The following LRMDA variants were observed in gnomAD, a reference collection of about 807,000 sequenced individuals.
The protein encoded by LRMDA is leucine rich melanocyte differentiation associated.
In LRMDA, 18 loss-of-function variants were observed where a neutral mutation model predicts 29.8. That is an observed-to-expected ratio of 0.60 (90% confidence interval 0.42 to 0.90). The LOEUF is 0.90. Ranked by LOEUF, LRMDA falls within the 40% of genes least tolerant of loss-of-function variation. The probability of loss-of-function intolerance (pLI) is 0.00; values close to 1 mark genes in which losing one functional copy is unlikely to be tolerated. For synonymous variants in LRMDA, 125 were observed against 109.4 expected, an observed-to-expected ratio of 1.14 and a Z score of -0.89; for missense variants, 273 against 273.9, an observed-to-expected ratio of 1.00 and a Z score of 0.02.
chr10:75,871,463 C>T (rs993561002), intron 2 of LRMDA, among the ~76,000 whole-genome samples: 1 of 152,188 alleles, frequency 6.6e-6, no homozygotes, highest in African/African-American at 2.4e-5. Context: ...TTCATGCAGG[C>T]AGCTCTGGGA....
intron 2 of LRMDA, among the ~76,000 whole-genome samples, chr10:76,018,194 G>A (rs986448501): frequency 1.3e-5 from 2 of 152,198 alleles, no homozygotes; most frequent in Non-Finnish European, 2.9e-5. Context: ...CTAATCCAGG[G>A]TTTCTTAACC....
intron 2 of LRMDA, among the ~76,000 whole-genome samples, chr10:75,757,322 G>A (rs754023059): frequency 4.6e-5 from 7 of 152,210 alleles, no homozygotes; most frequent in Non-Finnish European, 8.8e-5. Flanking sequence ...GAAATTGTAC[G>A]AGAGGTTTGA....
At chr10:76,273,041 A>T (rs1012366312) in intron 5 of LRMDA, among the ~76,000 whole-genome samples, 1 of 151,240 alleles carries the variant, frequency 6.6e-6, no homozygotes. Context: ...CTAACCACTT[A>T]TTTTTTTTTC....
chr10:75,782,985 T>G (rs781065230), intron 2 of LRMDA: 1 of 1,613,918 alleles, frequency 6.2e-7, no homozygotes, highest in Admixed American at 1.7e-5. Flanking sequence ...AATGGAAAAG[T>G]ATTTGTCACT....
chr10:76,261,683 A>G lies in LRMDA; in HGVS notation c.517-62718A>G, dbSNP rs192050484. Among the ~76,000 whole-genome samples the G allele has an allele frequency of 2.3e-3, 351 of 152,342 alleles. 2 individuals carry two copies. Among genetic ancestry groups the G allele is most frequent in the African/African-American group, 8.1e-3 (337 of 41,574 alleles). The stretch of plus-strand genomic sequence containing the variant: ...CTTGAAAAGCAACACACATGCCTTC[A>G]ATAATGGGTCTGCAAGTTGAACTTT... On this transcript the variant is annotated intron_variant, in intron 5 of 6. Transcript: ENST00000611255.
chr10:76,126,655 T>A (rs550894522), intron 5 of LRMDA, among the ~76,000 whole-genome samples: 2 of 152,332 alleles, frequency 1.3e-5, no homozygotes, highest in Non-Finnish European at 2.9e-5. Flanking sequence ...CATCTTGCAA[T>A]ACATTTTGTT....
intron 6 of LRMDA, among the ~76,000 whole-genome samples, chr10:76,351,714 A>G (rs1378293460): frequency 6.6e-6 from 1 of 152,020 alleles, no homozygotes; most frequent in Admixed American, 6.6e-5. Flanking sequence ...GTCTGAAAAA[A>G]AAAAAAAGCC....
chr10:76,219,970 A>G (rs559994570), intron 5 of LRMDA, among the ~76,000 whole-genome samples: 15 of 152,326 alleles, frequency 9.8e-5, no homozygotes, highest in African/African-American at 2.6e-4. Context: ...AACTCACTCA[A>G]AACTGCTCAA....
intron 5 of LRMDA, among the ~76,000 whole-genome samples, chr10:76,175,389 G>A (rs1850915624): frequency 6.6e-6 from 1 of 152,204 alleles, no homozygotes; most frequent in Non-Finnish European, 1.5e-5. Flanking sequence ...TTGTGTTGTA[G>A]TGAAGTTCTT....
At chr10:76,216,854 C>T (rs940591159) in intron 5 of LRMDA, among the ~76,000 whole-genome samples, 11 of 152,090 alleles carry the variant, frequency 7.2e-5, no homozygotes, top group African/African-American at 2.2e-4. Flanking sequence ...TACTCTTTTT[C>T]GTACCTAAAA....
chr10:76,267,053 G>A (rs1245971472), intron 5 of LRMDA, among the ~76,000 whole-genome samples: 2 of 152,074 alleles, frequency 1.3e-5, no homozygotes, highest in Non-Finnish European at 2.9e-5. Context: ...AGATAGTCAT[G>A]CCTCCTTCTA....
intron 2 of LRMDA, among the ~76,000 whole-genome samples, chr10:75,756,784 G>A (rs191357027): frequency 6.6e-6 from 1 of 152,280 alleles, no homozygotes; most frequent in Admixed American, 6.5e-5. Flanking sequence ...GCCCAAGGTG[G>A]CATAGCTAGT....
At chr10:76,145,686 T>G (rs182712876) in intron 5 of LRMDA, among the ~76,000 whole-genome samples, 1 of 152,096 alleles carries the variant, frequency 6.6e-6, no homozygotes, top group South Asian at 2.1e-4. Context: ...GTGTCTCTAT[T>G]TCCTTCAGTT....
intron 2 of LRMDA, among the ~76,000 whole-genome samples, chr10:75,785,661 C>T (rs1310447292): frequency 2.6e-5 from 4 of 152,152 alleles, no homozygotes; most frequent in Non-Finnish European, 4.4e-5. Context: ...GTGTGATATT[C>T]TGCTCAAGAT....
chr10:75,485,849 G>T (rs192001637), intron 2 of LRMDA, among the ~76,000 whole-genome samples: 79 of 152,072 alleles, frequency 5.2e-4, no homozygotes, highest in Non-Finnish European at 9.7e-4. Context: ...AAGTGCTGGG[G>T]TTACAGATGT....
intron 2 of LRMDA, among the ~76,000 whole-genome samples, chr10:75,469,748 G>A (rs566525725): frequency 3.9e-5 from 6 of 152,308 alleles, no homozygotes; most frequent in East Asian, 3.9e-4. Flanking sequence ...TGTTTCTGCC[G>A]TGCTTGGAAG....
rs1169841493 is a variant in LRMDA, at chr10:75,452,245, G to A, written c.131+13751G>A. On this transcript the variant is annotated intron_variant, in intron 2 of 6. Transcript: ENST00000611255. ...TCCTGAGGCTGCGTGGAAAGTTTTT[G>A]TTGGCGTCTCGATGCCCATTTATTT... Among the ~76,000 whole-genome samples, 9 of 152,240 alleles carry A rather than the reference G, an allele frequency of 5.9e-5. No homozygotes were observed. The East Asian group carries it at 1.5e-3, about 26-fold the overall frequency.
chr10:76,220,136 A>G (rs1227942462), intron 5 of LRMDA, among the ~76,000 whole-genome samples: 3 of 152,224 alleles, frequency 2.0e-5, no homozygotes, highest in African/African-American at 7.2e-5. Flanking sequence ...AGGGAAATTT[A>G]TAGCACTAAA....
intron 2 of LRMDA, among the ~76,000 whole-genome samples, chr10:75,972,777 A>G (rs751019804): frequency 1.3e-4 from 20 of 152,066 alleles, no homozygotes; most frequent in Non-Finnish European, 2.5e-4. Context: ...CTTTATTCTT[A>G]GAGGAATTGT....
Sources: allele counts gnomAD v4.1 joint callset (sites outside exome capture counted in the v4.1 genomes callset), GRCh38; gene constraint gnomAD v4.1.1; transcripts MANE v1.5; gene names NCBI Gene and HGNC (gene_info 2026-07-23, HGNC 2026-07-21).